The following PAPPA2 variants were observed in gnomAD, a reference collection of about 807,000 sequenced individuals.
PAPPA2 encodes the protein pappalysin-2.
PAPPA2 carries 86 observed loss-of-function variants against 176.4 expected under a neutral mutation model. The ratio of observed to expected loss-of-function variants is 0.49; its 90% confidence interval spans 0.41 to 0.58. The LOEUF (loss-of-function observed/expected upper bound fraction) is 0.58, where lower values mean the gene tolerates loss of function less well. Among genes scored for constraint, PAPPA2 ranks in the 20% least tolerant of loss-of-function variants. The pLI is 0.00. For synonymous variants in PAPPA2, 809 were observed against 852.2 expected, an observed-to-expected ratio of 0.95 and a Z score of 0.88; for missense variants, 2,073 against 2,256.9, an observed-to-expected ratio of 0.92 and a Z score of 1.65.
chr1:176,701,449 A>T (rs188304852), intron 8 of PAPPA2, among the ~76,000 whole-genome samples: 1 of 152,312 alleles, frequency 6.6e-6, no homozygotes, highest in Admixed American at 6.5e-5. Flanking sequence ...TTACTTTAGA[A>T]ATATCTGGCA....
chr1:176,607,583 C>A (rs1654686550), intron 3 of PAPPA2, among the ~76,000 whole-genome samples: 1 of 152,122 alleles, frequency 6.6e-6, no homozygotes, highest in Non-Finnish European at 1.5e-5. Flanking sequence ...TGTATATATA[C>A]ATGTTCTTTA....
chr1:176,507,745 A>G (rs151097839), intron 1 of PAPPA2, among the ~76,000 whole-genome samples: 3 of 152,062 alleles, frequency 2.0e-5, no homozygotes, highest in East Asian at 3.9e-4. Context: ...AGCCCAATGA[A>G]CATAAGCAGG....
intron 3 of PAPPA2, among the ~76,000 whole-genome samples, chr1:176,633,168 G>GT (rs1253719853): frequency 6.6e-6 from 1 of 152,200 alleles, no homozygotes; most frequent in African/African-American, 2.4e-5. Flanking sequence ...GGCAGTCAGA[G>GT]TGCATTATGA....
Position 176,821,720 on chromosome 1 carries a change from A to G in PAPPA2, c.5203-18453A>G, listed in dbSNP as rs540988919. ...CTTTTTGTCAAGTGTAGCATGTGTCACATACATTTATGTTCCACTAGTTAA... is the reference window on the plus strand; with the variant it reads ...CTTTTTGTCAAGTGTAGCATGTGTCGCATACATTTATGTTCCACTAGTTAA... On this transcript the variant is annotated intron_variant, in intron 21 of 22. Transcript: ENST00000367662. Among the ~76,000 whole-genome samples the G allele has an allele frequency of 4.6e-5, 7 of 152,340 alleles. No homozygotes were observed. In the East Asian group the frequency reaches 1.2e-3, roughly 25 times the overall value.
At position 176,752,430 on chromosome 1, in the gene PAPPA2, A is replaced by G. The variant is rs538325137; in HGVS notation, c.4151+12234A>G. 6.6e-5 allele frequency among the ~76,000 whole-genome samples: 10 copies of G among 151,116 alleles called. No homozygotes were observed. The East Asian group carries it at 1.8e-3, about 27-fold the overall frequency. The stretch of plus-strand genomic sequence containing the variant: ...TCCAGCCTCTAGCTGTTGTATATTT[A>G]TCATAAAACTGAACATATACATATA... On this transcript the variant is annotated intron_variant, in intron 14 of 22. Transcript: ENST00000367662.
chr1:176,601,877 G>A (rs189069052), intron 3 of PAPPA2, among the ~76,000 whole-genome samples: 1 of 152,260 alleles, frequency 6.6e-6, no homozygotes, highest in Admixed American at 6.5e-5. Context: ...CAGAGTTACA[G>A]TTCTTTGCTG....
chr1:176,584,037 G>A (rs1238758176), intron 2 of PAPPA2, among the ~76,000 whole-genome samples: 3 of 152,166 alleles, frequency 2.0e-5, no homozygotes, highest in Admixed American at 6.5e-5. Flanking sequence ...GCAAAACCCT[G>A]TCTCGAAAAA....
chr1:176,734,691 A>G (rs1032036066), intron 12 of PAPPA2, among the ~76,000 whole-genome samples: 1 of 152,154 alleles, frequency 6.6e-6, no homozygotes, highest in East Asian at 1.9e-4. Context: ...CTTCCTCGAC[A>G]AAATTTCAGA....
intron 1 of PAPPA2, among the ~76,000 whole-genome samples, chr1:176,500,628 T>C (rs188689772): frequency 1.2e-4 from 18 of 151,988 alleles, no homozygotes; most frequent in African/African-American, 3.9e-4. Context: ...TAGGCCTATT[T>C]ATTTCAAATC....
rs549733833 is a variant in PAPPA2 at position 176,725,628 on chromosome 1, G to C, written c.3798+13647G>C. On this transcript the variant is annotated intron_variant, in intron 12 of 22. Coordinates refer to ENST00000367662, the MANE Select transcript of PAPPA2 (RefSeq NM_020318.3). The stretch of plus-strand genomic sequence containing the variant: ...CCTGGTAACTGATTGGACATAAGGA[G>C]ATAGAGATAAGCATTATCTCAGGCT... Among the ~76,000 whole-genome samples, 7 of 152,156 alleles carry C rather than the reference G, an allele frequency of 4.6e-5. No homozygotes were observed. The South Asian group carries it at 1.4e-3, about 32-fold the overall frequency.
intron 22 of PAPPA2, 43 bp from the exon 23 acceptor site, chr1:176,842,337 A>G (rs760237629): frequency 1.3e-5 from 20 of 1,529,538 alleles, no homozygotes; most frequent in Admixed American, 6.7e-5. Context: ...GTGTGAAGCT[A>G]TCACAGAAAT....
At chr1:176,633,961 G>C (rs956390982) in intron 3 of PAPPA2, among the ~76,000 whole-genome samples, 5 of 152,222 alleles carry the variant, frequency 3.3e-5, no homozygotes, top group Non-Finnish European at 7.3e-5. Context: ...TGGAGAGGAT[G>C]TGGAGAAATA....
At chr1:176,623,716 T>C (rs1655808167) in intron 3 of PAPPA2, among the ~76,000 whole-genome samples, 8 of 144,102 alleles carry the variant, frequency 5.6e-5, no homozygotes, top group Admixed American at 1.4e-4. Flanking sequence ...CTTTTCTTCT[T>C]TCTTTCTTTC....
At chr1:176,782,513 G>A (rs1439728612) in intron 17 of PAPPA2, among the ~76,000 whole-genome samples, 1 of 152,134 alleles carries the variant, frequency 6.6e-6, no homozygotes, top group Non-Finnish European at 1.5e-5. Flanking sequence ...TAGGAAGAAA[G>A]AAAAGGAGCC....
intron 3 of PAPPA2, among the ~76,000 whole-genome samples, chr1:176,607,732 T>C (rs1336828896): frequency 6.6e-6 from 1 of 152,220 alleles, no homozygotes; most frequent in Non-Finnish European, 1.5e-5. Context: ...TGCATTTGAA[T>C]AGCTGTTTTT....
At chr1:176,792,147 C>T (rs1018124822) in intron 19 of PAPPA2, among the ~76,000 whole-genome samples, 1 of 152,212 alleles carries the variant, frequency 6.6e-6, no homozygotes, top group South Asian at 2.1e-4. Context: ...TCTTTCTCTG[C>T]AGAGGAATAG....
chr1:176,804,809 A>G (rs1163920758), intron 21 of PAPPA2, among the ~76,000 whole-genome samples: 1 of 152,236 alleles, frequency 6.6e-6, no homozygotes, highest in Non-Finnish European at 1.5e-5. Context: ...ATTGATTGAA[A>G]GTAATTTAAT....
intron 1 of PAPPA2, among the ~76,000 whole-genome samples, chr1:176,469,504 C>T (rs999687895): frequency 3.3e-5 from 5 of 152,098 alleles, no homozygotes; most frequent in East Asian, 1.9e-4. Context: ...AAATGGGGAC[C>T]GCAGCTTGGG....
chr1:176,703,684 T>A (rs1354753739), intron 9 of PAPPA2, among the ~76,000 whole-genome samples: 1 of 152,214 alleles, frequency 6.6e-6, no homozygotes, highest in East Asian at 1.9e-4. Context: ...CTCAACATTG[T>A]TTATCTCCTC....
Sources: gnomAD v4.1 joint callset for allele counts (sites outside exome capture counted in the v4.1 genomes callset) on GRCh38, gnomAD v4.1.1 for gene constraint, MANE v1.5 for transcripts, NCBI Gene and HGNC (gene_info 2026-07-23, HGNC 2026-07-21) for gene names.